The following MADD variants were observed in gnomAD, a reference collection of about 807,000 sequenced individuals.
MADD encodes the protein MAP kinase-activating death domain protein.
MADD carries 109 observed loss-of-function variants against 176.7 expected under a neutral mutation model. The ratio of observed to expected loss-of-function variants is 0.62; its 90% CI spans 0.53 to 0.72. The LOEUF is 0.72. Ranked by LOEUF, MADD falls within the 30% of genes least tolerant of loss-of-function variation. The probability of loss-of-function intolerance (pLI) is 0.00; values close to 1 mark genes in which losing one functional copy is unlikely to be tolerated. For missense variants in MADD, 1,914 were observed against 2,045.5 expected (o/e 0.94, Z 1.24); for synonymous variants, 771 against 771.3 (o/e 1.00, Z 0.01).
chr11:47,316,427 C>CG (rs967918991), intron 27 of MADD, among the ~76,000 whole-genome samples: 5 of 134,002 alleles, frequency 3.7e-5, no homozygotes, highest in African/African-American at 1.1e-4. Flanking sequence ...CTCACTCTGT[C>CG]GCCCAGGCTG....
At chr11:47,293,821 C>T (rs2067653870) in intron 19 of MADD, 62 bp from the exon 22 acceptor site, 6 of 1,085,502 alleles carry the variant, frequency 5.5e-6, no homozygotes, top group Non-Finnish European at 8.6e-6. Context: ...GCCGTCCCAC[C>T]CCCTTTACCA....
At chr11:47,297,085 C>T (rs980626178) in intron 22 of MADD, among the ~76,000 whole-genome samples, 2 of 152,144 alleles carry the variant, frequency 1.3e-5, no homozygotes, top group African/African-American at 4.8e-5. Context: ...GTGTATGTGC[C>T]TCTATAGGCT....
At chr11:47,311,827 T>A (rs1458314014) in exon 26 of MADD, 1 of 1,613,280 alleles carries the variant, frequency 6.2e-7, no homozygotes, top group Non-Finnish European at 8.5e-7. Context: ...AGGTGCTTGA[T>A]CAGCTGGCGA....
intron 22 of MADD, among the ~76,000 whole-genome samples, chr11:47,297,929 C>T (rs1037591356): frequency 1.3e-5 from 2 of 151,524 alleles, no homozygotes; most frequent in Non-Finnish European, 2.9e-5. Context: ...GCTGGGACTA[C>T]AGGCGCCCAC....
chr11:47,309,630 G>T lies in MADD; in HGVS notation c.3978+18G>T. 1 of 1,592,382 alleles carries T rather than the reference G, an allele frequency of 6.3e-7. No individual in the cohort carries two copies. Among genetic ancestry groups the T allele is most frequent in the African/African-American group, 1.3e-5 (1 of 74,626 alleles). ...TGATGAAGGTAATGTCAATTTTGCTGTGTCCAGCTCCGCTGATCCTAGAGG... is the reference window on the plus strand; with the variant it reads ...TGATGAAGGTAATGTCAATTTTGCTTTGTCCAGCTCCGCTGATCCTAGAGG... On this transcript the variant is annotated intron_variant, in intron 25 of 32. Coordinates refer to ENST00000402192, the Ensembl canonical transcript of MADD.
Position 47,295,512 on chromosome 11 carries a change from CTG to C in MADD, c.3421_3422del (p.Val1141HisfsTer17). On this transcript the variant is annotated frameshift_variant, in exon 21 of 33. Coordinates refer to ENST00000402192, the Ensembl canonical transcript of MADD. LOFTEE classifies it high-confidence loss of function. ...TTGTTTCAGAGGACTGATCAAGACT[CTG>C]TCATCGGCGTGAGTCCAGCTGTTAT... The C allele has an allele frequency of 6.2e-7, 1 of 1,614,062 alleles. No individual in the cohort carries two copies. The highest frequency in any genetic ancestry group is 8.5e-7 in the Non-Finnish European group (1 of 1,179,986).
At chr11:47,326,089 T>A (rs564351842) in intron 30 of MADD, among the ~76,000 whole-genome samples, 1 of 152,222 alleles carries the variant, frequency 6.6e-6, no homozygotes, top group South Asian at 2.1e-4. Flanking sequence ...AGCTTCCACG[T>A]TCATGGGCAA....
chr11:47,305,934 G>A (rs1171810049), intron 22 of MADD, among the ~76,000 whole-genome samples: 1 of 152,178 alleles, frequency 6.6e-6, no homozygotes, highest in African/African-American at 2.4e-5. Context: ...TGGGGACAAT[G>A]TGCTGCTTTA....
intron 24 of MADD, 29 bp downstream of exon 27, chr11:47,309,430 C>A (rs1161622063): frequency 6.2e-7 from 1 of 1,614,010 alleles, no homozygotes; most frequent in Non-Finnish European, 8.5e-7. Flanking sequence ...CATTGGGAAT[C>A]AGCAAACTCA....
chr11:47,275,107 T>C, exon 3 of MADD: 1 of 1,614,224 alleles, frequency 6.2e-7, no homozygotes. Flanking sequence ...GGTGGACTGC[T>C]GTAGTGAGCG....
chr11:47,272,248 G>C (rs10501320), intron 1 of MADD: 26,279 of 152,150 alleles, frequency 0.17, 3,064 homozygotes, highest in Non-Finnish European at 0.26. Context: ...AGTCGCTATA[G>C]AGATAAAACT....
At chr11:47,316,439 A>C (rs562444726) in intron 27 of MADD, among the ~76,000 whole-genome samples, 2 of 130,040 alleles carry the variant, frequency 1.5e-5, no homozygotes, top group Admixed American at 2.0e-4. Context: ...CCCAGGCTGG[A>C]GTGCAATGGC....
chr11:47,304,440 C>T (rs549215371), intron 22 of MADD, among the ~76,000 whole-genome samples: 37 of 152,126 alleles, frequency 2.4e-4, no homozygotes, highest in African/African-American at 7.9e-4. Context: ...CATGTTGCTT[C>T]GGCTGGCCTT....
chr11:47,290,328 C>T, intron 18 of MADD, 29 bp downstream of exon 19: 2 of 1,606,016 alleles, frequency 1.2e-6, no homozygotes, highest in Admixed American at 1.7e-5. Flanking sequence ...GGGCACCACG[C>T]CATCCCTAAC....
At chr11:47,293,733 C>A in intron 19 of MADD, 150 bp from the exon 22 acceptor site, 1 of 584,416 alleles carries the variant, frequency 1.7e-6, no homozygotes. Context: ...TCCTCTTTTT[C>A]CAGTGGGTCC....
chr11:47,276,704 G>GTGA (rs1189145689), intron 4 of MADD, 28 bp from the exon 5 acceptor site: 1 of 1,610,298 alleles, frequency 6.2e-7, no homozygotes, highest in Non-Finnish European at 8.5e-7. Context: ...ATGTTTTGGA[G>GTGA]TGATTCTTAC....
At chr11:47,310,300 G>C (rs1328484049) in intron 25 of MADD, among the ~76,000 whole-genome samples, 2 of 151,648 alleles carry the variant, frequency 1.3e-5, no homozygotes, top group African/African-American at 2.4e-5. Context: ...TCCTGCCTCA[G>C]CCTCCCAAGT....
At chr11:47,321,594 A>G (rs890514385) in intron 27 of MADD, among the ~76,000 whole-genome samples, 2 of 152,188 alleles carry the variant, frequency 1.3e-5, no homozygotes, top group East Asian at 1.9e-4. Flanking sequence ...AAAGAAGCTC[A>G]GGGGGGGCAG....
intron 15 of MADD, among the ~76,000 whole-genome samples, chr11:47,287,595 A>G (rs2061618125): frequency 6.6e-6 from 1 of 151,826 alleles, no homozygotes; most frequent in South Asian, 2.1e-4. Flanking sequence ...TTTTTAGTAG[A>G]GACGGGGTTT....
Sources: gnomAD v4.1 joint callset for allele counts (sites outside exome capture counted in the v4.1 genomes callset) on GRCh38, gnomAD v4.1.1 for gene constraint, MANE v1.5 for transcripts, NCBI Gene and HGNC (gene_info 2026-07-23, HGNC 2026-07-21) for gene names.